Variants in TM2D1 observed in about 807,000 individuals in gnomAD.
The protein encoded by TM2D1 is TM2 domain containing 1, also known as TM2 domain-containing protein 1.
A neutral mutation model predicts 28.4 loss-of-function variants in TM2D1; 15 were observed. That is an observed-to-expected ratio of 0.53 (90% confidence interval 0.35 to 0.81). The LOEUF (loss-of-function observed/expected upper bound fraction) is 0.81, where lower values mean the gene tolerates loss of function less well. TM2D1 is among the 40% of genes least tolerant of loss of function. The pLI is 0.01. For missense variants in TM2D1, 236 were observed against 254.9 expected (o/e 0.93, Z 0.50); for synonymous variants, 93 against 96.2 (o/e 0.97, Z 0.20).
intron 2 of TM2D1, among the ~76,000 whole-genome samples, chr1:61,720,099 C>T (rs897263449): frequency 1.3e-5 from 2 of 152,116 alleles, no homozygotes; most frequent in East Asian, 1.9e-4. Context: ...TTAATACAAA[C>T]TTAAGAAAAT....
At chr1:61,697,730 T>C (rs922431327) in intron 4 of TM2D1, 1 of 152,232 alleles carries the variant, frequency 6.6e-6, no homozygotes. Context: ...CTACTTCTTG[T>C]CTCTCCTTGC....
At chr1:61,700,629 T>C (rs1320680056) in intron 4 of TM2D1, among the ~76,000 whole-genome samples, 1 of 152,146 alleles carries the variant, frequency 6.6e-6, no homozygotes, top group Non-Finnish European at 1.5e-5. Context: ...CGTAAAACAT[T>C]AACTAAACAT....
rs578083763 is a variant in TM2D1, at chr1:61,716,433, G to T, written c.239-6996C>A. Among the ~76,000 whole-genome samples, 33 of 133,440 alleles carry T rather than the reference G, an allele frequency of 2.5e-4. 1 individual carries two copies. The East Asian group carries it at 6.4e-3, about 26-fold the overall frequency. The allele number at this position is 133,440 out of a possible 152,430, so 87.5% of individuals were successfully genotyped here. ...TATATATGTATATAATTATATATAA[G>T]TGTATAATTATATATAATTTTATAT... is the stretch of plus-strand genomic sequence containing the variant. On this transcript the variant is annotated intron_variant, in intron 2 of 6. Transcript: ENST00000606498.
At chr1:61,688,389 A>G (rs1194536481) in intron 5 of TM2D1, among the ~76,000 whole-genome samples, 2 of 152,232 alleles carry the variant, frequency 1.3e-5, no homozygotes, top group Non-Finnish European at 2.9e-5. Flanking sequence ...CCAGGGTTAA[A>G]TAATGATACA....
intron 3 of TM2D1, 59 bp downstream of exon 3, chr1:61,709,270 C>A: frequency 1.0e-6 from 1 of 993,490 alleles, no homozygotes; most frequent in Non-Finnish European, 1.6e-6. Flanking sequence ...TCTCTTCATG[C>A]AATGAAGATA....
chr1:61,685,812 T>C (rs1029754367), intron 5 of TM2D1, among the ~76,000 whole-genome samples: 4 of 152,114 alleles, frequency 2.6e-5, no homozygotes, highest in Non-Finnish European at 5.9e-5. Context: ...GAGACCAGCA[T>C]GGGCAAAAAA....
chr1:61,713,927 C>T (rs1433707526), intron 2 of TM2D1, among the ~76,000 whole-genome samples: 3 of 127,296 alleles, frequency 2.4e-5, no homozygotes, highest in African/African-American at 9.2e-5. Flanking sequence ...CTCGCTCTGT[C>T]GCCCAGGCCG....
intron 3 of TM2D1, among the ~76,000 whole-genome samples, chr1:61,706,030 T>C (rs1644437942): frequency 6.6e-6 from 1 of 152,164 alleles, no homozygotes; most frequent in African/African-American, 2.4e-5. Context: ...TGAGTAAGAA[T>C]GTATCGCTGA....
chr1:61,691,932 A>AAAAAAATATATATATAT lies in TM2D1; in HGVS notation c.513+2764_513+2765insATATATATATATTTTTT. Among the ~76,000 whole-genome samples the AAAAAAATATATATATAT allele has an allele frequency of 8.8e-3, 666 of 76,044 alleles. 7 individuals are homozygous for AAAAAAATATATATATAT. The highest frequency in any genetic ancestry group is 0.011 in the Non-Finnish European group (431 of 38,586). 49.9% of individuals were successfully genotyped at this position (76,044 alleles called of 152,430 possible). ...TCTCAAAAAAAACTTAAAAAAAAAA[A>AAAAAAATATATATATAT]ATATATATATATATATATATATATA... On this transcript the variant is annotated intron_variant, in intron 5 of 6. Coordinates refer to ENST00000606498, the MANE Select transcript of TM2D1 (RefSeq NM_032027.3).
At chr1:61,686,218 T>C (rs1557524704) in intron 5 of TM2D1, among the ~76,000 whole-genome samples, 3 of 152,208 alleles carry the variant, frequency 2.0e-5, no homozygotes, top group Non-Finnish European at 4.4e-5. Flanking sequence ...AAGATTTAGA[T>C]ACAAACACCT....
chr1:61,703,796 A>T (rs1370434286), intron 3 of TM2D1, among the ~76,000 whole-genome samples: 1 of 123,028 alleles, frequency 8.1e-6, no homozygotes, highest in Non-Finnish European at 1.6e-5. Context: ...CGCTCTTGTC[A>T]CCCAGACTGG....
chr1:61,722,940 T>G (rs2148072064), intron 2 of TM2D1, among the ~76,000 whole-genome samples: 1 of 152,246 alleles, frequency 6.6e-6, no homozygotes, highest in Non-Finnish European at 1.5e-5. Context: ...AAAAAAGTAT[T>G]TTTCTCGCCT....
intron 5 of TM2D1, among the ~76,000 whole-genome samples, chr1:61,692,133 A>C (rs1644332723): frequency 1.3e-5 from 2 of 151,220 alleles, no homozygotes; most frequent in South Asian, 4.2e-4. Flanking sequence ...TCTATGTATT[A>C]TTTCATGCCA....
intron 5 of TM2D1, 115 bp downstream of exon 5, chr1:61,694,582 G>A: frequency 1.6e-6 from 1 of 632,238 alleles, no homozygotes; most frequent in South Asian, 3.3e-5. Context: ...AAGAAAAATG[G>A]AAACAACCAT....
intron 2 of TM2D1, among the ~76,000 whole-genome samples, chr1:61,719,759 T>A (rs1644549069): frequency 6.6e-6 from 1 of 152,338 alleles, no homozygotes; most frequent in East Asian, 1.9e-4. Context: ...CCTCCCCAAG[T>A]GCTGAGATTA....
chr1:61,718,127 G>C (rs749603940), intron 2 of TM2D1, among the ~76,000 whole-genome samples: 2 of 152,090 alleles, frequency 1.3e-5, no homozygotes, highest in African/African-American at 2.4e-5. Flanking sequence ...AAACCAGCTT[G>C]GGCAACACCG....
chr1:61,698,131 T>G (rs905841819), intron 4 of TM2D1: 9 of 152,202 alleles, frequency 5.9e-5, no homozygotes, highest in African/African-American at 2.2e-4. Flanking sequence ...TTTAGACAGT[T>G]CCTCCCTACT....
intron 5 of TM2D1, among the ~76,000 whole-genome samples, chr1:61,693,248 T>A (rs146978142): frequency 6.6e-6 from 1 of 152,072 alleles, no homozygotes; most frequent in Non-Finnish European, 1.5e-5. Flanking sequence ...AAAAAAACTA[T>A]TTATTGTAAA....
chr1:61,714,443 A>G (rs1303681414), intron 2 of TM2D1, among the ~76,000 whole-genome samples: 1 of 152,062 alleles, frequency 6.6e-6, no homozygotes, highest in Non-Finnish European at 1.5e-5. Context: ...CAGGAGGCTG[A>G]GGCAGGAAAA....
Sources: gnomAD v4.1 joint callset for allele counts (sites outside exome capture counted in the v4.1 genomes callset) on GRCh38, gnomAD v4.1.1 for gene constraint, MANE v1.5 for transcripts, NCBI Gene and HGNC (gene_info 2026-07-23, HGNC 2026-07-21) for gene names.